Variants in RAB10 observed in about 807,000 individuals in gnomAD.
RAB10 encodes ras-related protein Rab-10.
In RAB10, 5 loss-of-function variants were observed where a neutral mutation model predicts 25.7. That is an observed-to-expected ratio of 0.19 (90% CI 0.10 to 0.41). The LOEUF is 0.41. RAB10 is among the 10% of genes least tolerant of loss of function. The probability of loss-of-function intolerance (pLI) is 1.00; values close to 1 mark genes in which losing one functional copy is unlikely to be tolerated. For synonymous variants in RAB10, 89 were observed against 86.4 expected (o/e 1.03, Z -0.16); for missense variants, 103 against 245.8 (o/e 0.42, Z 3.89).
intron 1 of RAB10, among the ~76,000 whole-genome samples, chr2:26,094,546 C>T (rs569653618): frequency 7.6e-4 from 115 of 151,658 alleles, no homozygotes; most frequent in African/African-American, 2.7e-3. Context: ...GCCACCGCAC[C>T]TGGCCGTATT....
chr2:26,117,297 A>G (rs1667710084), intron 3 of RAB10, among the ~76,000 whole-genome samples: 1 of 152,054 alleles, frequency 6.6e-6, no homozygotes, highest in Non-Finnish European at 1.5e-5. Context: ...AAACAACATA[A>G]ATGATCCCCT....
rs779818057 is a variant in RAB10, at chr2:26,134,968, G to C, written c.550G>C (p.Val184Leu). 6.2e-7 allele frequency: 1 copy of C among 1,613,808 alleles called. No homozygotes were observed. The highest frequency in any genetic ancestry group is 8.5e-7 in the Non-Finnish European group (1 of 1,179,816). The change falls in exon 6 of 6, where the codon GTA becomes CTA. Residue 184 changes from valine (V) to leucine (L), a missense_variant. By Grantham distance (32) the Val-to-Leu change is conservative. Around this residue, in one of 2 missense-constraint regions of RAB10, gnomAD observed 24 missense variants for 28.0 expected, o/e 0.86. Coordinates refer to ENST00000264710, the MANE Select transcript of RAB10 (RefSeq NM_016131.5). Reference protein sequence around the residue: ...TPVKEPNSENVDISSGGGVTG... With the variant: ...TPVKEPNSENLDISSGGGVTG... ...TGTAAAAGAGCCCAACAGTGAAAAT[G>C]TAGATATCAGCAGTGGAGGAGGCGT... is the stretch of plus-strand genomic sequence containing the variant.
At chr2:26,054,141 A>G (rs1231065378) in intron 1 of RAB10, among the ~76,000 whole-genome samples, 1 of 138,456 alleles carries the variant, frequency 7.2e-6, no homozygotes, top group African/African-American at 2.8e-5. Context: ...TCTGCCTCCC[A>G]GGTTCAAGCA....
intron 1 of RAB10, among the ~76,000 whole-genome samples, chr2:26,057,620 T>TTTCCTTCATTCATTCATTCATTCATTCA (rs146580967): frequency 6.7e-6 from 1 of 149,076 alleles, no homozygotes; most frequent in Non-Finnish European, 1.5e-5. Flanking sequence ...GGCAAGTTTC[T>TTTCCTTCATTCATTCATTCATTCATTCA]TTCATTCATT....
intron 1 of RAB10, among the ~76,000 whole-genome samples, chr2:26,065,164 G>A (rs1666489047): frequency 6.6e-6 from 1 of 151,906 alleles, no homozygotes; most frequent in South Asian, 2.1e-4. Flanking sequence ...CAGTGTGTTT[G>A]TTGACTGACC....
intron 1 of RAB10, among the ~76,000 whole-genome samples, chr2:26,054,980 TA>T (rs5829992): frequency 0.15 from 22,064 of 143,448 alleles, 1,888 homozygotes; most frequent in Middle Eastern, 0.26. Flanking sequence ...GACCCCACCT[TA>T]AAAAAAAAAA....
intron 1 of RAB10, among the ~76,000 whole-genome samples, chr2:26,084,591 GTA>G (rs554491641): frequency 2.0e-3 from 312 of 152,284 alleles, no homozygotes; most frequent in African/African-American, 7.2e-3. Flanking sequence ...GATTGCAGCA[GTA>G]TGTCCCAGAG....
chr2:26,071,377 A>G (rs1666622499), intron 1 of RAB10, among the ~76,000 whole-genome samples: 1 of 152,204 alleles, frequency 6.6e-6, no homozygotes, highest in South Asian at 2.1e-4. Context: ...TGCCACTGAT[A>G]AAATTTATGC....
intron 1 of RAB10, among the ~76,000 whole-genome samples, chr2:26,070,088 T>TA (rs1040981864): frequency 1.9e-4 from 29 of 152,332 alleles, no homozygotes; most frequent in Non-Finnish European, 2.8e-4. Context: ...TGCATTGTGT[T>TA]ATATTGAGCT....
At chr2:26,089,258 T>C (rs913929186) in intron 1 of RAB10, among the ~76,000 whole-genome samples, 13 of 151,562 alleles carry the variant, frequency 8.6e-5, no homozygotes, top group Admixed American at 7.2e-4. Flanking sequence ...AACCCTGTCT[T>C]TACTAGAAAC....
intron 3 of RAB10, among the ~76,000 whole-genome samples, chr2:26,122,410 C>T (rs890428080): frequency 1.3e-5 from 2 of 152,102 alleles, no homozygotes; most frequent in Non-Finnish European, 2.9e-5. Context: ...GGGCAGATCA[C>T]GAGGTCAGGA....
chr2:26,041,263 G>C (rs567627270), intron 1 of RAB10, among the ~76,000 whole-genome samples: 3 of 152,144 alleles, frequency 2.0e-5, no homozygotes, highest in Non-Finnish European at 4.4e-5. Flanking sequence ...AGCTGTGGCC[G>C]GGCGCAGTGG....
chr2:26,066,036 C>A (rs1202490030), intron 1 of RAB10, among the ~76,000 whole-genome samples: 2 of 152,114 alleles, frequency 1.3e-5, no homozygotes, highest in Non-Finnish European at 2.9e-5. Context: ...TTAAACAATT[C>A]ACAACATACA....
chr2:26,055,804 G>T (rs1369047887), intron 1 of RAB10, among the ~76,000 whole-genome samples: 1 of 152,124 alleles, frequency 6.6e-6, no homozygotes, highest in Non-Finnish European at 1.5e-5. Context: ...GATTACAGGT[G>T]TGAGCCACCA....
At chr2:26,110,700 T>C (rs1010760891) in intron 3 of RAB10, among the ~76,000 whole-genome samples, 2 of 152,170 alleles carry the variant, frequency 1.3e-5, no homozygotes, top group African/African-American at 4.8e-5. Flanking sequence ...ATGTTGTTTT[T>C]TTTTCTGTAT....
intron 3 of RAB10, among the ~76,000 whole-genome samples, chr2:26,125,393 A>G (rs545040840): frequency 2.1e-4 from 28 of 133,164 alleles, no homozygotes; most frequent in Admixed American, 8.8e-4. Flanking sequence ...GTTTGTTTGT[A>G]TATCTTCTTT....
At position 26,137,306 on chromosome 2, in the gene RAB10, A is replaced by G. The variant is rs1668131529; in HGVS notation, c.*2285A>G. On this transcript the variant is annotated 3_prime_UTR_variant, in exon 6 of 6. Transcript: ENST00000264710. Reference sequence around the variant, plus strand: ...GTAAGTCTCTTGGGATCCTGTGTAGAAGCTGTTCTCATTAAACACCAAACA... The same window carrying G: ...GTAAGTCTCTTGGGATCCTGTGTAGGAGCTGTTCTCATTAAACACCAAACA... 6.6e-6 allele frequency: 1 copy of G among 152,666 alleles called. No individual in the cohort carries two copies. The highest frequency in any genetic ancestry group is 1.5e-5 in the Non-Finnish European group (1 of 68,048). The allele number at this position is 152,666 out of a possible 1,614,324, so 9.5% of individuals were successfully genotyped here. A position where few individuals can be genotyped will look rare whatever the true frequency, so the allele number is the denominator to read the frequency against.
chr2:26,045,950 A>G (rs1345392819), intron 1 of RAB10, among the ~76,000 whole-genome samples: 1 of 152,244 alleles, frequency 6.6e-6, no homozygotes, highest in Non-Finnish European at 1.5e-5. Context: ...AAAGTCTTGT[A>G]AAGGTCATAG....
rs1237094291 is a variant in RAB10, at chr2:26,137,233, T to G, written c.*2212T>G. The G allele has an allele frequency of 2.6e-5, 4 of 152,702 alleles. No homozygotes were observed. Among genetic ancestry groups the G allele is most frequent in the Admixed American group, 1.3e-4 (2 of 15,290 alleles). The allele number at this position is 152,702 out of a possible 1,614,324, so 9.5% of individuals were successfully genotyped here. On this transcript the variant is annotated 3_prime_UTR_variant, in exon 6 of 6. Coordinates refer to ENST00000264710, the MANE Select transcript of RAB10 (RefSeq NM_016131.5). ...TAAATCAATTTTTGTATAATCTGTTTGAAACATGAGTTTTATTTGCTTAAT... is the reference window on the plus strand; with the variant it reads ...TAAATCAATTTTTGTATAATCTGTTGGAAACATGAGTTTTATTTGCTTAAT...
Sources: allele counts gnomAD v4.1 joint callset (sites outside exome capture counted in the v4.1 genomes callset), GRCh38; gene constraint gnomAD v4.1.1; regional missense constraint gnomAD v4.1.1; transcripts MANE v1.5; gene names NCBI Gene and HGNC (gene_info 2026-07-23, HGNC 2026-07-21).